The following SLC24A2 variants were observed in gnomAD, a reference collection of about 807,000 sequenced individuals.
SLC24A2 encodes sodium/potassium/calcium exchanger 2.
Under a neutral mutation model 62.0 loss-of-function variants are expected in SLC24A2, and 36 were observed. That is an observed-to-expected ratio of 0.58 (90% CI 0.44 to 0.77). SLC24A2 has a LOEUF of 0.77. Among genes scored for constraint, SLC24A2 ranks in the 30% least tolerant of loss-of-function variants. The probability of loss-of-function intolerance (pLI) is 0.00; values close to 1 mark genes in which losing one functional copy is unlikely to be tolerated. For synonymous variants in SLC24A2, 358 were observed against 294.0 expected, an observed-to-expected ratio of 1.22 and a Z score of -2.23; for missense variants, 846 against 817.9, an observed-to-expected ratio of 1.03 and a Z score of -0.42.
the SLC24A2 span, among the ~76,000 whole-genome samples, chr9:20,090,977 G>C: frequency 6.6e-6 from 1 of 152,006 alleles, no homozygotes; most frequent in African/African-American, 2.4e-5. Flanking sequence ...TACAGGAGCT[G>C]ACAGACAAAA....
the SLC24A2 span, among the ~76,000 whole-genome samples, chr9:20,167,559 C>G: frequency 6.6e-6 from 1 of 151,994 alleles, no homozygotes; most frequent in African/African-American, 2.4e-5. Context: ...ACCTAGCACC[C>G]AAATCTTGGT....
At chr9:20,273,215 C>A in the SLC24A2 span, among the ~76,000 whole-genome samples, 1 of 152,172 alleles carries the variant, frequency 6.6e-6, no homozygotes, top group African/African-American at 2.4e-5. Flanking sequence ...AAAGGTCACC[C>A]TCAGACACTG....
At chr9:19,593,454 G>T (rs1337426185) in intron 5 of SLC24A2, among the ~76,000 whole-genome samples, 1 of 152,164 alleles carries the variant, frequency 6.6e-6, no homozygotes, top group Non-Finnish European at 1.5e-5. Flanking sequence ...AGGGCTGAGG[G>T]AGACAGGGGA....
chr9:20,215,484 A>G, the SLC24A2 span, among the ~76,000 whole-genome samples: 2 of 152,244 alleles, frequency 1.3e-5, no homozygotes, highest in South Asian at 4.1e-4. Context: ...ATAGAAAAAA[A>G]AAGTCTAGCT....
the SLC24A2 span, among the ~76,000 whole-genome samples, chr9:19,932,051 G>T: frequency 2.6e-5 from 4 of 152,042 alleles, no homozygotes; most frequent in Admixed American, 2.6e-4. Context: ...AATTTCTCAT[G>T]TATTCGCATA....
At chr9:20,045,461 T>A in the SLC24A2 span, among the ~76,000 whole-genome samples, 2 of 152,140 alleles carry the variant, frequency 1.3e-5, no homozygotes, top group Non-Finnish European at 2.9e-5. Context: ...AGACAGAGTC[T>A]CGCACTGTCG....
At chr9:19,900,336 G>A in the SLC24A2 span, among the ~76,000 whole-genome samples, 2 of 152,144 alleles carry the variant, frequency 1.3e-5, no homozygotes, top group Non-Finnish European at 2.9e-5. Context: ...CCAAATATAG[G>A]AAAGATAGTA....
chr9:19,762,131 T>C lies in SLC24A2; in HGVS notation c.930+23806A>G, dbSNP rs187421149. Among the ~76,000 whole-genome samples the C allele has an allele frequency of 7.2e-5, 11 of 152,334 alleles. No homozygotes were observed. The East Asian group carries it at 2.1e-3, about 29-fold the overall frequency. ...AAAGTGTTTGAGAAGTGTCTGTTCA[T>C]ATCCTTTGCCCACTTTTTGATGGGG... On this transcript the variant is annotated intron_variant, in intron 2 of 10. Transcript: ENST00000341998.
At chr9:19,687,203 C>A (rs1433261284) in intron 2 of SLC24A2, among the ~76,000 whole-genome samples, 1 of 151,988 alleles carries the variant, frequency 6.6e-6, no homozygotes, top group Non-Finnish European at 1.5e-5. Flanking sequence ...TGGGTGACAA[C>A]ATAATCTGTA....
At chr9:20,061,762 C>T in the SLC24A2 span, among the ~76,000 whole-genome samples, 3 of 151,942 alleles carry the variant, frequency 2.0e-5, no homozygotes, top group East Asian at 3.9e-4. Context: ...AAGATTTGTA[C>T]GGCCTTTGGT....
intron 5 of SLC24A2, among the ~76,000 whole-genome samples, chr9:19,579,456 G>A (rs138826724): frequency 8.7e-4 from 132 of 152,230 alleles, no homozygotes; most frequent in African/African-American, 3.1e-3. Context: ...CAAATCATCT[G>A]GTTTTCCACC....
the SLC24A2 span, among the ~76,000 whole-genome samples, chr9:20,111,392 G>A: frequency 6.6e-6 from 1 of 152,066 alleles, no homozygotes; most frequent in African/African-American, 2.4e-5. Context: ...TAGGGTTAGT[G>A]CCCTCTCCAG....
At chr9:20,239,008 C>A in the SLC24A2 span, among the ~76,000 whole-genome samples, 2 of 152,182 alleles carry the variant, frequency 1.3e-5, no homozygotes, top group Admixed American at 6.5e-5. Context: ...AGAGAGCTCT[C>A]ACCAGAAACT....
At chr9:19,692,854 A>T (rs2118474508) in intron 2 of SLC24A2, among the ~76,000 whole-genome samples, 2 of 152,284 alleles carry the variant, frequency 1.3e-5, no homozygotes, top group Middle Eastern at 6.8e-3. Context: ...TTGATTAATG[A>T]CCAAACGTTT....
the SLC24A2 span, among the ~76,000 whole-genome samples, chr9:19,952,371 A>C: frequency 2.6e-5 from 4 of 152,012 alleles, no homozygotes; most frequent in South Asian, 8.3e-4. Flanking sequence ...ATATCCTTCA[A>C]TTTTTCTAGA....
At chr9:20,248,093 G>A in the SLC24A2 span, among the ~76,000 whole-genome samples, 25 of 152,148 alleles carry the variant, frequency 1.6e-4, no homozygotes, top group East Asian at 2.9e-3. Context: ...CTAAATAACC[G>A]TGTGTTCTTG....
In SLC24A2 at chr9:19,636,315, T is replaced by TTTTCTTTTC; in HGVS notation, c.931-14017_931-14016insGAAAAGAAA. Among the ~76,000 whole-genome samples the TTTTCTTTTC allele has an allele frequency of 3.9e-3, 154 of 39,940 alleles. 1 individual carries two copies. The highest frequency in any genetic ancestry group is 0.014 in the Middle Eastern group (1 of 70). The allele number at this position is 39,940 out of a possible 152,430, so 26.2% of individuals were successfully genotyped here. A position where few individuals can be genotyped will look rare whatever the true frequency, so the allele number is the denominator to read the frequency against. On this transcript the variant is annotated intron_variant, in intron 2 of 10. Transcript: ENST00000341998. Reference sequence around the variant, plus strand: ...TTTTCTTTTCTTTTCTTTTCTTTTCTTTTCTTTCTTTCTTTCTTTCTTTCT... The same window carrying TTTTCTTTTC: ...TTTTCTTTTCTTTTCTTTTCTTTTCTTTTCTTTTCTTTCTTTCTTTCTTTCTTTCTTTCT...
rs113289816 is a variant in SLC24A2, at chr9:19,772,852, G to C, written c.930+13085C>G. On this transcript the variant is annotated intron_variant, in intron 2 of 10. Coordinates refer to ENST00000341998, the MANE Select transcript of SLC24A2 (RefSeq NM_020344.4). Reference sequence around the variant, plus strand: ...ATTCTACTCATAAGCATATGCCAAAGAGAACTAAAAACATGTATTCACACA... The same window carrying C: ...ATTCTACTCATAAGCATATGCCAAACAGAACTAAAAACATGTATTCACACA... 3.8e-3 allele frequency among the ~76,000 whole-genome samples: 586 copies of C among 152,242 alleles called. 6 individuals carry two copies. The highest frequency in any genetic ancestry group is 6.7e-3 in the Non-Finnish European group (459 of 68,010).
the SLC24A2 span, among the ~76,000 whole-genome samples, chr9:20,236,144 T>A: frequency 6.6e-6 from 1 of 152,210 alleles, no homozygotes; most frequent in Non-Finnish European, 1.5e-5. Flanking sequence ...GCAGTCAAGA[T>A]CTGCTTTCTT....
Sources: gnomAD v4.1 joint callset for allele counts (sites outside exome capture counted in the v4.1 genomes callset) on GRCh38, gnomAD v4.1.1 for gene constraint, MANE v1.5 for transcripts, NCBI Gene and HGNC (gene_info 2026-07-23, HGNC 2026-07-21) for gene names.